LGI2: variants seen among roughly 807,000 people sequenced by gnomAD.
The protein encoded by LGI2 is leucine rich repeat LGI family member 2.
A neutral mutation model predicts 52.0 loss-of-function variants in LGI2; 30 were observed. The ratio of observed to expected loss-of-function variants is 0.58; its 90% CI spans 0.43 to 0.78. The LOEUF (loss-of-function observed/expected upper bound fraction) is 0.78. Ranked by LOEUF, LGI2 falls within the 30% of genes least tolerant of loss-of-function variation. The pLI, the probability that LGI2 is intolerant of heterozygous loss-of-function variation, is 0.00. For missense variants in LGI2, 573 were observed against 692.5 expected (o/e 0.83, Z 1.94); for synonymous variants, 270 against 271.8 (o/e 0.99, Z 0.06).
chr4:24,996,412 G>A (rs529018142), downstream of LGI2, among the ~76,000 whole-genome samples: 3 of 152,270 alleles, frequency 2.0e-5, no homozygotes, highest in East Asian at 1.9e-4. Context: ...AAGCCAAGAC[G>A]CTATAATCCA....
At chr4:25,019,355 G>A in intron 4 of LGI2, 117 bp from the exon 5 acceptor site, 1 of 650,124 alleles carries the variant, frequency 1.5e-6, no homozygotes, top group Non-Finnish European at 2.8e-6. Flanking sequence ...TACTGAGATA[G>A]AGAAATGAGC....
chr4:25,004,063 G>A lies in LGI2; in HGVS notation c.1026C>T (p.Ile342=), dbSNP rs376488943. Residue 342 remains isoleucine (I), a synonymous_variant, in exon 8 of 8, where the codon ATC becomes ATT. Transcript: ENST00000382114. This position sits in a 1 kb window ranked among gnomAD's most constrained non-coding sequence, Gnocchi z 4.6. ...ACAGACCAGCCTTTGAGCTGTCTGC[G>A]ATGACAAAGAACGTCTCGTCGTCGA... ...FQIDDETFFV[I]ADSSKAGLST... is the part of the protein sequence containing the mutation. 11 of 1,614,200 alleles carry A rather than the reference G, an allele frequency of 6.8e-6. No homozygotes were observed. Among genetic ancestry groups the A allele is most frequent in the Middle Eastern group, 1.7e-4 (1 of 6,060 alleles).
chr4:25,024,028 T>A (rs781646565), intron 4 of LGI2, among the ~76,000 whole-genome samples: 82 of 152,190 alleles, frequency 5.4e-4, no homozygotes, highest in Non-Finnish European at 5.9e-4. Flanking sequence ...TGCATTCAAA[T>A]GAGAGGAACC....
At chr4:25,026,631 G>A (rs1295114094) in intron 3 of LGI2, among the ~76,000 whole-genome samples, 1 of 152,162 alleles carries the variant, frequency 6.6e-6, no homozygotes, top group Non-Finnish European at 1.5e-5. Flanking sequence ...AGCAGAGAAT[G>A]AATGACTATC....
Position 25,000,219 on chromosome 4 carries a change from G to A in LGI2, c.*3232C>T, listed in dbSNP as rs569891496. 5.8e-6 allele frequency: 1 copy of A among 170,962 alleles called. No individual in the cohort carries two copies. Among genetic ancestry groups the A allele is most frequent in the Non-Finnish European group, 1.3e-5 (1 of 79,920 alleles). The allele number at this position is 170,962 out of a possible 1,614,324, so 10.6% of individuals were successfully genotyped here. Reference sequence around the variant, plus strand: ...AAGGTGCTGCCAAATTCAAAATCATGCTAGAAATGAAAGTCTTTCTCTGGG... The same window carrying A: ...AAGGTGCTGCCAAATTCAAAATCATACTAGAAATGAAAGTCTTTCTCTGGG... On this transcript the variant is annotated 3_prime_UTR_variant, in exon 8 of 8. Transcript: ENST00000382114.
In LGI2 at chr4:25,003,722, A is replaced by C; in HGVS notation, c.1367T>G (p.Ile456Ser). The C allele has an allele frequency of 6.2e-7, 1 of 1,614,192 alleles. No individual in the cohort carries two copies. The highest frequency in any genetic ancestry group is 8.5e-7 in the Non-Finnish European group (1 of 1,180,032). ...GGCCCCCCGGGATGGAAGAGCTTGG[A>C]TCTCCACAAACTGCTTACTGTTCCA... is the stretch of plus-strand genomic sequence containing the variant. ...MRWNSKQFVE[I>S]QALPSRGAMT... The change falls in exon 8 of 8, where the codon ATC (isoleucine) becomes AGC (serine). Residue 456 changes from isoleucine to serine, a missense_variant. Ile to Ser is a moderately radical substitution (Grantham distance 142). Coordinates refer to ENST00000382114, the MANE Select transcript of LGI2 (RefSeq NM_018176.4).
chr4:25,004,147 T>G lies in LGI2; in HGVS notation c.942A>C (p.Lys314Asn), dbSNP rs760863388. 1 of 1,614,172 alleles carries G rather than the reference T, an allele frequency of 6.2e-7. No homozygotes were observed. Among genetic ancestry groups the G allele is most frequent in the Non-Finnish European group, 8.5e-7 (1 of 1,180,038 alleles). Residue 314 changes from lysine (K) to asparagine (N), a missense_variant, in exon 8 of 8, where the codon AAA becomes AAC. Transcript: ENST00000382114. This position sits in a 1 kb window ranked among gnomAD's most constrained non-coding sequence, Gnocchi z 4.6. Reference protein sequence around the residue: ...KYDESWTKFVKFQDIEVSRIS... With the variant: ...KYDESWTKFVNFQDIEVSRIS... ...TGCGAGAGACCTCTATGTCTTGGAA[T>G]TTGACAAATTTGGTCCAACTCTCGT...
chr4:25,027,508 T>A (rs1357273702), intron 2 of LGI2, among the ~76,000 whole-genome samples: 1 of 152,204 alleles, frequency 6.6e-6, no homozygotes, highest in Non-Finnish European at 1.5e-5. Flanking sequence ...AAAATTGTAT[T>A]TCTATTATAT....
chr4:25,011,137 G>C (rs973898135), intron 7 of LGI2, among the ~76,000 whole-genome samples: 1 of 151,742 alleles, frequency 6.6e-6, no homozygotes, highest in African/African-American at 2.4e-5. Flanking sequence ...GCTTCACTCT[G>C]TTCCCATCTC....
intron 5 of LGI2, among the ~76,000 whole-genome samples, chr4:25,018,441 C>T (rs531236012): frequency 6.6e-6 from 1 of 152,204 alleles, no homozygotes; most frequent in Non-Finnish European, 1.5e-5. Context: ...CTCGTCTCCA[C>T]GCCATGCCAG....
intron 4 of LGI2, among the ~76,000 whole-genome samples, chr4:25,024,249 C>CA (rs1226203371): frequency 1.3e-5 from 2 of 152,178 alleles, no homozygotes; most frequent in East Asian, 3.8e-4. Context: ...TGCGGTGGCT[C>CA]ACGCCTGTAA....
At position 25,001,717 on chromosome 4, in the gene LGI2, C is replaced by G. The variant is rs2109401725; in HGVS notation, c.*1734G>C. On this transcript the variant is annotated 3_prime_UTR_variant, in exon 8 of 8. Coordinates refer to ENST00000382114, the MANE Select transcript of LGI2 (RefSeq NM_018176.4). ...ATCCGTGGTTTCTGAGGCTAGAAGC[C>G]TCAGCCTACAGTCCCAGAATGTACC... 1 of 152,002 alleles carries G rather than the reference C, an allele frequency of 6.6e-6. No individual in the cohort carries two copies. Among genetic ancestry groups the G allele is most frequent in the South Asian group, 2.1e-4 (1 of 4,810 alleles). The allele number at this position is 152,002 out of a possible 1,614,324, so 9.4% of individuals were successfully genotyped here. A position where few individuals can be genotyped will look rare whatever the true frequency, so the allele number is the denominator to read the frequency against.
At chr4:25,028,715 A>T in intron 1 of LGI2, 137 bp from the exon 2 acceptor site, 1 of 697,396 alleles carries the variant, frequency 1.4e-6, no homozygotes, top group Non-Finnish European at 2.5e-6. Context: ...GTTGCCCAGG[A>T]TCTTCCCCGG....
intron 2 of LGI2, 31 bp from the exon 3 acceptor site, chr4:25,026,970 G>A (rs73250693): frequency 0.03 from 46,295 of 1,537,100 alleles, 877 homozygotes; most frequent in Non-Finnish European, 0.037. Context: ...CCAATGGAGA[G>A]ATGTAAAACT....
At chr4:25,007,595 G>A (rs1341052986) in intron 7 of LGI2, among the ~76,000 whole-genome samples, 1 of 88,796 alleles carries the variant, frequency 1.1e-5, no homozygotes, top group Non-Finnish European at 2.8e-5. Context: ...GTGTGTGTGT[G>A]TGTGTGTGTG....
chr4:24,998,023 G>C (rs894371736), downstream of LGI2, among the ~76,000 whole-genome samples: 1 of 151,860 alleles, frequency 6.6e-6, no homozygotes, highest in Non-Finnish European at 1.5e-5. Flanking sequence ...GACTAGAGGT[G>C]CGTGCCACCA....
chr4:25,028,877 G>A (rs1726239282), intron 1 of LGI2, among the ~76,000 whole-genome samples: 1 of 152,194 alleles, frequency 6.6e-6, no homozygotes, highest in Admixed American at 6.5e-5. Context: ...CTTAACTACA[G>A]GAGGTCCTTG....
rs1725291095 is a variant in LGI2 at position 25,003,083 on chromosome 4, G to A, written c.*368C>T. 6.2e-6 allele frequency: 1 copy of A among 161,480 alleles called. No homozygotes were observed. The allele number at this position is 161,480 out of a possible 1,614,324, so 10.0% of individuals were successfully genotyped here. ...AGATTGCTAAAGTGGAATGAGAGGGGCTCAAAGTTTTTTTTTATTTCATTA... is the reference window on the plus strand; with the variant it reads ...AGATTGCTAAAGTGGAATGAGAGGGACTCAAAGTTTTTTTTTATTTCATTA... On this transcript the variant is annotated 3_prime_UTR_variant, in exon 8 of 8. Coordinates refer to ENST00000382114, the MANE Select transcript of LGI2 (RefSeq NM_018176.4).
rs1725279287 is a variant in LGI2 at position 25,002,573 on chromosome 4, T to A, written c.*878A>T. The A allele has an allele frequency of 6.6e-6, 1 of 152,570 alleles. No homozygotes were observed. The highest frequency in any genetic ancestry group is 2.4e-5 in the African/African-American group (1 of 41,422). 9.5% of individuals were successfully genotyped at this position (152,570 alleles called of 1,614,324 possible). A position where few individuals can be genotyped will look rare whatever the true frequency, so the allele number is the denominator to read the frequency against. ...CTACCGAATGCTCATCAGACGGAAATAACTGTTTCATCCCTCTAAAGGATG... is the reference window on the plus strand; with the variant it reads ...CTACCGAATGCTCATCAGACGGAAAAAACTGTTTCATCCCTCTAAAGGATG... On this transcript the variant is annotated 3_prime_UTR_variant, in exon 8 of 8. Coordinates refer to ENST00000382114, the MANE Select transcript of LGI2 (RefSeq NM_018176.4).
Sources: allele counts gnomAD v4.1 joint callset (sites outside exome capture counted in the v4.1 genomes callset), GRCh38; gene constraint gnomAD v4.1.1; non-coding constraint Gnocchi (gnomAD v3.1); transcripts MANE v1.5; gene names NCBI Gene and HGNC (gene_info 2026-07-23, HGNC 2026-07-21).